ATP8B4: variants seen among roughly 807,000 people sequenced by gnomAD.
ATP8B4 encodes ATPase phospholipid transporting 8B4 (putative), also known as probable phospholipid-transporting ATPase IM.
Under a neutral mutation model 145.6 loss-of-function variants are expected in ATP8B4, and 133 were observed. That is an observed-to-expected ratio of 0.91 (90% CI 0.79 to 1.05). The LOEUF (loss-of-function observed/expected upper bound fraction) is 1.05. ATP8B4 is among the 50% of genes least tolerant of loss of function. The pLI is 0.00. For synonymous variants in ATP8B4, 507 were observed against 492.9 expected (o/e 1.03, Z -0.38); for missense variants, 1,458 against 1,425.2 (o/e 1.02, Z -0.37).
chr15:50,138,890 C>T (rs12915287), intron 1 of ATP8B4, among the ~76,000 whole-genome samples: 49,151 of 151,932 alleles, frequency 0.32, 9,247 homozygotes, highest in Middle Eastern at 0.49. Context: ...ACTTAATTGC[C>T]GGTATAGGGG....
At chr15:50,102,345 A>G (rs560007790) in intron 2 of ATP8B4, among the ~76,000 whole-genome samples, 72 of 152,252 alleles carry the variant, frequency 4.7e-4, no homozygotes, top group African/African-American at 1.6e-3. Flanking sequence ...ATAGACCATT[A>G]GTGAGATTAA....
intron 1 of ATP8B4, among the ~76,000 whole-genome samples, chr15:50,130,547 C>T (rs4775855): frequency 0.32 from 48,350 of 151,552 alleles, 8,569 homozygotes; most frequent in East Asian, 0.48. Context: ...GAGGCTGAGG[C>T]GAGCGGATCA....
At chr15:49,984,050 G>A (rs761336702) in intron 10 of ATP8B4, among the ~76,000 whole-genome samples, 25 of 152,196 alleles carry the variant, frequency 1.6e-4, no homozygotes, top group Non-Finnish European at 3.1e-4. Flanking sequence ...TAAATAATTT[G>A]TAAGTATTTT....
chr15:50,006,284 CA>C (rs36110912), intron 7 of ATP8B4, among the ~76,000 whole-genome samples: 45,149 of 134,042 alleles, frequency 0.34, 8,747 homozygotes, highest in African/African-American at 0.57. Flanking sequence ...TTCCTCTAGT[CA>C]AAAAAAAAAA....
chr15:49,901,416 A>C (rs2038019203), intron 20 of ATP8B4, among the ~76,000 whole-genome samples, 177 bp from the exon 21 acceptor site: 1 of 152,232 alleles, frequency 6.6e-6, no homozygotes. Context: ...ATATCTTAGC[A>C]AATTTCCAAA....
intron 2 of ATP8B4, among the ~76,000 whole-genome samples, chr15:50,098,180 T>C (rs2056106453): frequency 6.6e-6 from 1 of 150,960 alleles, no homozygotes; most frequent in African/African-American, 2.4e-5. Flanking sequence ...ATTGAAATAG[T>C]ATGTGTAAGC....
intron 1 of ATP8B4, among the ~76,000 whole-genome samples, chr15:50,158,498 G>T (rs1178704371): frequency 6.7e-6 from 1 of 148,656 alleles, no homozygotes; most frequent in African/African-American, 2.5e-5. Context: ...GGGCGCCTCC[G>T]CCCGGCCAGC....
At chr15:49,920,438 C>T (rs371081716) in intron 17 of ATP8B4, 28 bp from the exon 18 acceptor site, 22 of 1,574,578 alleles carry the variant, frequency 1.4e-5, no homozygotes, top group Non-Finnish European at 1.9e-5. Context: ...GACTCATGAA[C>T]CATCAAAGAA....
intron 25 of ATP8B4, among the ~76,000 whole-genome samples, chr15:49,867,439 G>A (rs2032990764): frequency 6.6e-6 from 1 of 152,186 alleles, no homozygotes; most frequent in Non-Finnish European, 1.5e-5. Context: ...GTGAACTACA[G>A]GGTTTATAAA....
At chr15:50,151,740 CAAAAAAAAAAAAAA>C (rs58413585) in intron 1 of ATP8B4, among the ~76,000 whole-genome samples, 8 of 91,790 alleles carry the variant, frequency 8.7e-5, no homozygotes, top group African/African-American at 3.0e-4. Flanking sequence ...GAACCTGTCT[CAAAAAAAAAAAAAA>C]AAAAAAAAAG....
At chr15:50,098,936 T>C (rs1428799521) in intron 2 of ATP8B4, among the ~76,000 whole-genome samples, 2 of 152,216 alleles carry the variant, frequency 1.3e-5, no homozygotes, top group African/African-American at 4.8e-5. Context: ...TGGATTATAT[T>C]TGTCTTTATA....
Position 49,860,260 on chromosome 15 carries a change from T to C in ATP8B4, c.3513A>G (p.Glu1171=), listed in dbSNP as rs769965616. The C allele has an allele frequency of 3.1e-6, 5 of 1,614,186 alleles. 1 individual carries two copies. The South Asian group carries it at 5.5e-5, about 18-fold the overall frequency. The part of the protein sequence containing the change: ...KTHYNSTSWI[E]NLCKKTTDTV... ...TGTCTGTGGTTTTCTTACATAAATT[T>C]TCAATCCAGCTAGTGCTATTATAAT... The change falls in exon 28 of 28, where the codon GAA becomes GAG. Residue 1171 remains glutamate, a synonymous_variant. Coordinates refer to ENST00000284509, the MANE Select transcript of ATP8B4 (RefSeq NM_024837.4).
intron 1 of ATP8B4, among the ~76,000 whole-genome samples, chr15:50,112,541 GC>G (rs2056996575): frequency 6.6e-6 from 1 of 151,984 alleles, no homozygotes; most frequent in Non-Finnish European, 1.5e-5. Flanking sequence ...CGTTCGGCTT[GC>G]CTCCTCTCCT....
intron 25 of ATP8B4, among the ~76,000 whole-genome samples, chr15:49,867,785 T>A (rs1410540476): frequency 6.6e-6 from 1 of 152,086 alleles, no homozygotes; most frequent in Non-Finnish European, 1.5e-5. Flanking sequence ...GAAGATGCAA[T>A]TAGGTCACAG....
At chr15:49,960,960 G>A (rs2044016724) in intron 14 of ATP8B4, among the ~76,000 whole-genome samples, 1 of 152,026 alleles carries the variant, frequency 6.6e-6, no homozygotes, top group South Asian at 2.1e-4. Context: ...GTGAAACCTG[G>A]TCTCTACTAA....
At chr15:49,956,119 A>C (rs1235182440) in intron 14 of ATP8B4, among the ~76,000 whole-genome samples, 1 of 152,210 alleles carries the variant, frequency 6.6e-6, no homozygotes, top group Non-Finnish European at 1.5e-5. Context: ...GGAATGTACA[A>C]TATATACTTT....
intron 2 of ATP8B4, among the ~76,000 whole-genome samples, chr15:50,080,885 A>C (rs893762785): frequency 3.9e-5 from 6 of 152,098 alleles, no homozygotes; most frequent in African/African-American, 1.2e-4. Context: ...AGGCCGAGGC[A>C]GGCGGATCAT....
chr15:50,157,653 T>A (rs1031534044), intron 1 of ATP8B4, among the ~76,000 whole-genome samples: 5 of 152,168 alleles, frequency 3.3e-5, no homozygotes, highest in African/African-American at 9.7e-5. Flanking sequence ...GTGAAGAATA[T>A]CATTGGTATT....
At chr15:49,884,809 C>A (rs1449716258) in intron 23 of ATP8B4, among the ~76,000 whole-genome samples, 2 of 152,172 alleles carry the variant, frequency 1.3e-5, no homozygotes, top group African/African-American at 4.8e-5. Context: ...AGCCTGAGCT[C>A]CACCTCCTGT....
Sources: gnomAD v4.1 joint callset for allele counts (sites outside exome capture counted in the v4.1 genomes callset) on GRCh38, gnomAD v4.1.1 for gene constraint, MANE v1.5 for transcripts, NCBI Gene and HGNC (gene_info 2026-07-23, HGNC 2026-07-21) for gene names.